CRLS1: variants seen among roughly 807,000 people sequenced by gnomAD.
CRLS1 encodes cardiolipin synthase (CMP-forming).
A neutral mutation model predicts 37.0 loss-of-function variants in CRLS1; 24 were observed. The observed-to-expected ratio is 0.65, with a 90% confidence interval of 0.47 to 0.91. CRLS1 has a LOEUF of 0.91. CRLS1 is among the 40% of genes least tolerant of loss of function. CRLS1 has a pLI of 0.00. For missense variants in CRLS1, 373 were observed against 395.8 expected (o/e 0.94, Z 0.49); for synonymous variants, 135 against 159.7 (o/e 0.85, Z 1.17).
In CRLS1 at chr20:6,029,484, C is replaced by T. The variant is rs568529796; in HGVS notation, c.575-1801C>T. On this transcript the variant is annotated intron_variant, in intron 3 of 6. Transcript: ENST00000378863. The stretch of plus-strand genomic sequence containing the variant: ...GCAAGCGATTCTCCTGCCTCAGCCT[C>T]CCAAATAGCTGGGATTACAGGCATG... 2.0e-5 allele frequency among the ~76,000 whole-genome samples: 3 copies of T among 152,146 alleles called. No individual in the cohort carries two copies. In the South Asian group the frequency reaches 6.2e-4, roughly 32 times the overall value.
chr20:6,022,388 G>T (rs1979349129), intron 3 of CRLS1, among the ~76,000 whole-genome samples: 1 of 147,220 alleles, frequency 6.8e-6, no homozygotes, highest in Admixed American at 6.8e-5. Context: ...ACCCAGGCTG[G>T]AGTGCAGTGG....
chr20:6,032,071 C>A lies in CRLS1; in HGVS notation c.720C>A (p.Phe240Leu), dbSNP rs749890487. 6.2e-7 allele frequency: 1 copy of A among 1,610,772 alleles called. No individual in the cohort carries two copies. Among genetic ancestry groups the A allele is most frequent in the Non-Finnish European group, 8.5e-7 (1 of 1,177,192 alleles). Reference protein sequence around the residue: ...CYATARLKPTFISKVNTAVQL... With the variant: ...CYATARLKPTLISKVNTAVQL... ...CCACTGCTAGGTTAAAACCAACATT[C>A]ATCAGCAAGGTAAGAGAATGCAATG... Residue 240 changes from phenylalanine (F) to leucine (L), a missense_variant, in exon 5 of 7, where the codon TTC (phenylalanine) becomes TTA (leucine). By Grantham distance (22) the Phe-to-Leu change is conservative (BLOSUM62 0). Coordinates refer to ENST00000378863, the MANE Select transcript of CRLS1 (RefSeq NM_019095.6).
intron 4 of CRLS1, 81 bp from the exon 5 acceptor site, chr20:6,031,928 TATA>T: frequency 1.0e-6 from 1 of 961,998 alleles, no homozygotes; most frequent in South Asian, 1.4e-5. Context: ...GTTACCTAAG[TATA>T]ATAACAAAAT....
intron 3 of CRLS1, among the ~76,000 whole-genome samples, chr20:6,025,514 C>A (rs1238738345): frequency 6.6e-6 from 1 of 152,198 alleles, no homozygotes; most frequent in Non-Finnish European, 1.5e-5. Context: ...ATGTTGTTTT[C>A]ATACCTACTA....
chr20:6,007,232 G>T (rs1178991361), intron 1 of CRLS1: 2 of 1,471,854 alleles, frequency 1.4e-6, no homozygotes, highest in African/African-American at 2.8e-5. Flanking sequence ...GTCTTCAGTG[G>T]CCCCTGTACT....
chr20:6,015,465 C>G lies in CRLS1; in HGVS notation c.549C>G (p.Ser183Arg). Reference sequence around the variant, plus strand: ...TACTTATCAGTATCTTATATGTTAGCTTGACCTATGCAGATCTTATTCCAG... The same window carrying G: ...TACTTATCAGTATCTTATATGTTAGGTTGACCTATGCAGATCTTATTCCAG... ...DKILISILYVSLTYADLIPVP... is the reference protein window; with the variant it reads ...DKILISILYVRLTYADLIPVP... The change falls in exon 3 of 7, where the codon AGC becomes AGG. Residue 183 changes from serine (S) to arginine (R), a missense_variant. Physicochemically the swap from Ser to Arg is moderately radical, Grantham distance 110. Coordinates refer to ENST00000378863, the MANE Select transcript of CRLS1 (RefSeq NM_019095.6). 6.2e-7 allele frequency: 1 copy of G among 1,613,220 alleles called. No individual in the cohort carries two copies. The highest frequency in any genetic ancestry group is 8.5e-7 in the Non-Finnish European group (1 of 1,179,326).
intron 6 of CRLS1, among the ~76,000 whole-genome samples, chr20:6,036,464 C>T (rs754235099): frequency 2.0e-5 from 3 of 152,052 alleles, no homozygotes; most frequent in Non-Finnish European, 2.9e-5. Context: ...AAGGAGAATC[C>T]GGTTAAGGGT....
intron 3 of CRLS1, 101 bp downstream of exon 3, chr20:6,015,591 A>T (rs973237742): frequency 2.5e-6 from 3 of 1,196,132 alleles, no homozygotes; most frequent in African/African-American, 3.0e-5. Flanking sequence ...TTCCAAAAAT[A>T]TAGTTTTCAA....
intron 3 of CRLS1, among the ~76,000 whole-genome samples, chr20:6,021,526 CT>C (rs1224122310): frequency 1.3e-5 from 2 of 152,094 alleles, no homozygotes; most frequent in East Asian, 3.8e-4. Context: ...GCTCTGCTGG[CT>C]TGCTTTTGGT....
In CRLS1 at chr20:6,037,060, T is replaced by G. The variant is rs1389987482; in HGVS notation, c.822-14T>G. 3 of 1,594,204 alleles carry G rather than the reference T, an allele frequency of 1.9e-6. No homozygotes were observed. The highest frequency in any genetic ancestry group is 1.7e-6 in the Non-Finnish European group (2 of 1,164,348). ...ACTTGACAACTACATTTTATTTCTT[T>G]TCTTCCATAAAAGGTGTTTTACAGC... On this transcript the variant is annotated splice_polypyrimidine_tract_variant and intron_variant, in intron 6 of 6. Coordinates refer to ENST00000378863, the MANE Select transcript of CRLS1 (RefSeq NM_019095.6).
Position 6,006,156 on chromosome 20 carries a change from G to A in CRLS1, c.-91G>A. The A allele has an allele frequency of 1.6e-6, 1 of 639,048 alleles. No homozygotes were observed. The highest frequency in any genetic ancestry group is 2.2e-6 in the Non-Finnish European group (1 of 453,740). The allele number at this position is 639,048 out of a possible 1,614,324, so 39.6% of individuals were successfully genotyped here. ...GGCAGCGGTAGCCCAGTGTCTGAGTGGTTGCCGGGTCTCCATGGAGAAGCG... is the reference window on the plus strand; with the variant it reads ...GGCAGCGGTAGCCCAGTGTCTGAGTAGTTGCCGGGTCTCCATGGAGAAGCG... On this transcript the variant is annotated 5_prime_UTR_variant, in exon 1 of 7. Transcript: ENST00000378863.
chr20:6,023,339 C>T (rs1343555843), intron 3 of CRLS1: 1 of 152,104 alleles, frequency 6.6e-6, no homozygotes, highest in African/African-American at 2.4e-5. Context: ...TTCTTATGAA[C>T]AAGGCATTAC....
At chr20:6,018,605 G>A (rs1299634953) in intron 3 of CRLS1, among the ~76,000 whole-genome samples, 3 of 152,086 alleles carry the variant, frequency 2.0e-5, no homozygotes, top group African/African-American at 7.2e-5. Flanking sequence ...ACTTCTGTTG[G>A]GAGTTTAAGA....
intron 3 of CRLS1, chr20:6,028,136 A>G (rs1299267984): frequency 1.3e-5 from 2 of 152,176 alleles, no homozygotes; most frequent in African/African-American, 4.8e-5. Context: ...ATCTACCTTC[A>G]TTTTAATAGC....
rs75004020 is a variant in CRLS1 at position 6,013,579 on chromosome 20, A to G, written c.445-1782A>G. ...GCTGACTACGGTTTTCTTTTTCCTT[A>G]AGGAAAATACAGACATGACCATGAG... On this transcript the variant is annotated intron_variant, in intron 2 of 6. Transcript: ENST00000378863. Among the ~76,000 whole-genome samples, 593 of 152,236 alleles carry G rather than the reference A, an allele frequency of 3.9e-3. 6 individuals are homozygous for G. The highest frequency in any genetic ancestry group is 0.014 in the African/African-American group (581 of 41,522).
intron 3 of CRLS1, among the ~76,000 whole-genome samples, chr20:6,016,569 C>T (rs1978770951): frequency 6.6e-6 from 1 of 152,140 alleles, no homozygotes; most frequent in South Asian, 2.1e-4. Context: ...CTTGAATCAC[C>T]TTGCTTGGCC....
chr20:6,037,169 C>T lies in CRLS1; in HGVS notation c.*11C>T, dbSNP rs562798899. On this transcript the variant is annotated 3_prime_UTR_variant, in exon 7 of 7. Coordinates refer to ENST00000378863, the MANE Select transcript of CRLS1 (RefSeq NM_019095.6). ...GTGATAAAAGACTGATGAAAGTCAT[C>T]CCTCACTGTTAGTAAGGAAGCAGTA... 4.4e-6 allele frequency: 7 copies of T among 1,595,860 alleles called. No homozygotes were observed. The East Asian group carries it at 1.3e-4, about 31-fold the overall frequency.
At chr20:6,020,674 G>A (rs892314202) in intron 3 of CRLS1, among the ~76,000 whole-genome samples, 2 of 151,530 alleles carry the variant, frequency 1.3e-5, no homozygotes, top group African/African-American at 4.9e-5. Context: ...CCAGGCTGGA[G>A]TGCAGTGGCG....
intron 4 of CRLS1, among the ~76,000 whole-genome samples, chr20:6,031,683 C>T (rs1448301157): frequency 6.6e-6 from 1 of 152,158 alleles, no homozygotes; most frequent in Non-Finnish European, 1.5e-5. Context: ...AGCATATTAA[C>T]CTCTTTTGGC....
Sources: allele counts gnomAD v4.1 joint callset (sites outside exome capture counted in the v4.1 genomes callset), GRCh38; gene constraint gnomAD v4.1.1; transcripts MANE v1.5; gene names NCBI Gene and HGNC (gene_info 2026-07-23, HGNC 2026-07-21).